CHD1L: variants seen among roughly 807,000 people sequenced by gnomAD.
The protein encoded by CHD1L is chromodomain helicase DNA binding protein 1 like, also known as ATP-dependent chromatin remodeler CHD1L.
CHD1L carries 118 observed loss-of-function variants against 115.9 expected under a neutral mutation model. The observed-to-expected ratio is 1.02, with a 90% confidence interval of 0.88 to 1.19. The LOEUF (loss-of-function observed/expected upper bound fraction) is 1.19, where lower values mean the gene tolerates loss of function less well. Ranked by LOEUF, CHD1L falls within the 50% of genes most tolerant of loss-of-function variation. The probability of loss-of-function intolerance (pLI) is 0.00; values close to 1 mark genes in which losing one functional copy is unlikely to be tolerated. For synonymous variants in CHD1L, 411 were observed against 387.1 expected, an observed-to-expected ratio of 1.06 and a Z score of -0.72; for missense variants, 1,179 against 1,065.3, an observed-to-expected ratio of 1.11 and a Z score of -1.49.
intron 22 of CHD1L, 116 bp from the exon 23 acceptor site, chr1:147,295,315 A>G: frequency 1.4e-6 from 1 of 721,366 alleles, no homozygotes; most frequent in Non-Finnish European, 2.4e-6. Flanking sequence ...ATATCGTGAG[A>G]GAATTAAAGC....
chr1:147,274,202 A>G (rs1442250086), intron 12 of CHD1L, among the ~76,000 whole-genome samples: 2 of 152,214 alleles, frequency 1.3e-5, no homozygotes, highest in Non-Finnish European at 2.9e-5. Flanking sequence ...TAAAGTGGGG[A>G]AAATCGTAGC....
At chr1:147,235,198 T>C in the CHD1L span, among the ~76,000 whole-genome samples, 4 of 151,968 alleles carry the variant, frequency 2.6e-5, no homozygotes, top group African/African-American at 9.7e-5. Context: ...ACTATGCCTG[T>C]AGACACCCCA....
the CHD1L span, among the ~76,000 whole-genome samples, chr1:147,192,358 T>C: frequency 6.6e-6 from 1 of 152,136 alleles, no homozygotes; most frequent in South Asian, 2.1e-4. Context: ...TGTACATTGA[T>C]TTTGTATCCT....
chr1:147,272,491 G>A, intron 12 of CHD1L: 1 of 420,668 alleles, frequency 2.4e-6, no homozygotes, highest in South Asian at 5.4e-5. Context: ...GCTGAAACCT[G>A]GGGTTATTGG....
the CHD1L span, chr1:147,224,888 T>A: frequency 6.2e-7 from 1 of 1,613,624 alleles, no homozygotes; most frequent in Non-Finnish European, 8.5e-7. Flanking sequence ...CTAGGAGATG[T>A]ATGTACCTGG....
At position 147,280,101 on chromosome 1, in the gene CHD1L, G is replaced by T; in HGVS notation, c.1615G>T (p.Glu539Ter). Reference sequence around the variant, plus strand: ...GAGCACCATGGATGAAATAGACCTGGAGTCCATCCTGGGAGAAACAAAAGA... The same window carrying T: ...GAGCACCATGGATGAAATAGACCTGTAGTCCATCCTGGGAGAAACAAAAGA... The part of the protein sequence containing the change: ...EGSTMDEIDL[E>*]SILGETKDGQ... Residue 539 changes from glutamate to a stop codon, truncating the protein, a stop_gained, in exon 15 of 23, where the codon GAG becomes TAG. Transcript: ENST00000369258. LOFTEE classifies it high-confidence loss of function. 1 of 1,614,016 alleles carries T rather than the reference G, an allele frequency of 6.2e-7. No homozygotes were observed. Among genetic ancestry groups the T allele is most frequent in the Non-Finnish European group, 8.5e-7 (1 of 1,179,978 alleles).
intron 19 of CHD1L, among the ~76,000 whole-genome samples, chr1:147,288,325 T>TAAAAAAAA (rs782063703): frequency 1.1e-5 from 1 of 90,028 alleles, no homozygotes; most frequent in Non-Finnish European, 2.1e-5. Context: ...CCTGTTTCAA[T>TAAAAAAAA]AAAAAAAAAA....
At chr1:147,212,918 T>G in the CHD1L span, among the ~76,000 whole-genome samples, 1 of 151,990 alleles carries the variant, frequency 6.6e-6, no homozygotes. Flanking sequence ...CTTTTTTTTT[T>G]AAAATGAAAA....
intron 22 of CHD1L, 140 bp downstream of exon 22, chr1:147,294,657 A>G: frequency 1.8e-6 from 1 of 568,152 alleles, no homozygotes; most frequent in African/African-American, 1.9e-5. Flanking sequence ...TGAGACAAAG[A>G]AAGAAGCACT....
intron 1 of CHD1L, among the ~76,000 whole-genome samples, chr1:147,250,749 A>G (rs1474243458): frequency 6.6e-6 from 1 of 151,602 alleles, no homozygotes; most frequent in Non-Finnish European, 1.5e-5. Flanking sequence ...CAGTTATTAT[A>G]TAAAAGTTTC....
chr1:147,294,664 C>A (rs1686903557), intron 22 of CHD1L, 147 bp downstream of exon 22: 1 of 546,810 alleles, frequency 1.8e-6, no homozygotes, highest in Non-Finnish European at 3.2e-6. Flanking sequence ...AAGAAAGAAG[C>A]ACTTTCTAAC....
chr1:147,294,225 T>G (rs1245596086), intron 21 of CHD1L, among the ~76,000 whole-genome samples, 184 bp from the exon 22 acceptor site: 1 of 152,094 alleles, frequency 6.6e-6, no homozygotes, highest in Non-Finnish European at 1.5e-5. Context: ...CCAGAACTTG[T>G]AGGTCCTTGT....
chr1:147,225,136 G>GGC, the CHD1L span: 2 of 1,574,994 alleles, frequency 1.3e-6, no homozygotes, highest in Non-Finnish European at 1.7e-6. Flanking sequence ...CCTTGGCCGT[G>GGC]GCATTCGAAT....
the CHD1L span, among the ~76,000 whole-genome samples, chr1:147,220,923 A>C: frequency 6.9e-6 from 1 of 143,930 alleles, no homozygotes; most frequent in Non-Finnish European, 1.5e-5. Context: ...TTATAATAAC[A>C]TAAAATGAGT....
chr1:147,196,233 T>TA, the CHD1L span, among the ~76,000 whole-genome samples: 1 of 152,306 alleles, frequency 6.6e-6, no homozygotes, highest in African/African-American at 2.4e-5. Flanking sequence ...CACTCTCAAA[T>TA]AGCCTTCTGT....
At chr1:147,204,471 A>T in the CHD1L span, 1 of 1,460,814 alleles carries the variant, frequency 6.8e-7, no homozygotes, top group East Asian at 2.3e-5. Context: ...CAACATCTCG[A>T]AGGTTTTTTG....
Position 147,288,398 on chromosome 1 carries a change from A to G in CHD1L, c.2320+665A>G, listed in dbSNP as rs1450998992. ...TGAAGGAATATGTCATGAAAATATC[A>G]AAGATCTATGGGAAGCCGGGCGTGG... is the stretch of plus-strand genomic sequence containing the variant. On this transcript the variant is annotated intron_variant, in intron 19 of 22. Coordinates refer to ENST00000369258, the MANE Select transcript of CHD1L (RefSeq NM_004284.6). 2.0e-5 allele frequency among the ~76,000 whole-genome samples: 3 copies of G among 151,938 alleles called. No homozygotes were observed. The South Asian group carries it at 6.2e-4, about 32-fold the overall frequency.
intron 12 of CHD1L, among the ~76,000 whole-genome samples, chr1:147,274,365 T>C (rs975881181): frequency 2.0e-5 from 3 of 152,216 alleles, no homozygotes; most frequent in Non-Finnish European, 4.4e-5. Flanking sequence ...TAATCGGTCA[T>C]GATTACCTCC....
At chr1:147,285,201 G>GTGTGGAGATGCAGTGTTC (rs1682583982) in intron 16 of CHD1L, 123 bp from the exon 17 acceptor site, 1 of 1,088,150 alleles carries the variant, frequency 9.2e-7, no homozygotes, top group Non-Finnish European at 1.3e-6. Flanking sequence ...CATGCAGGGT[G>GTGTGGAGATGCAGTGTTC]TGTGGAGATG....
Sources: allele counts gnomAD v4.1 joint callset (sites outside exome capture counted in the v4.1 genomes callset), GRCh38; gene constraint gnomAD v4.1.1; transcripts MANE v1.5; gene names NCBI Gene and HGNC (gene_info 2026-07-23, HGNC 2026-07-21).